Variants in FAM83D observed in about 807,000 individuals in gnomAD.
The protein encoded by FAM83D is scaffolding CK1 anchoring protein D.
A neutral mutation model predicts 25.4 loss-of-function variants in FAM83D; 26 were observed. The observed-to-expected ratio is 1.02, with a 90% CI of 0.75 to 1.42. FAM83D has a LOEUF of 1.42. Among genes scored for constraint, FAM83D ranks in the 40% most tolerant of loss-of-function variants. The pLI, the probability that FAM83D is intolerant of heterozygous loss-of-function variation, is 0.00. For missense variants in FAM83D, 740 were observed against 758.1 expected, an observed-to-expected ratio of 0.98 and a Z score of 0.28; for synonymous variants, 310 against 318.5, an observed-to-expected ratio of 0.97 and a Z score of 0.28.
intron 1 of FAM83D, among the ~76,000 whole-genome samples, chr20:38,939,926 G>A (rs1435087419): frequency 6.6e-6 from 1 of 152,128 alleles, no homozygotes; most frequent in Non-Finnish European, 1.5e-5. Flanking sequence ...GTCTTCCTGA[G>A]GAGGAAACTG....
chr20:38,933,134 G>T (rs537821640), intron 1 of FAM83D, among the ~76,000 whole-genome samples: 1 of 152,276 alleles, frequency 6.6e-6, no homozygotes, highest in African/African-American at 2.4e-5. Flanking sequence ...TGACCTTTTG[G>T]GTTGGATAAT....
chr20:38,935,735 C>A (rs1255491362), intron 1 of FAM83D, among the ~76,000 whole-genome samples: 1 of 152,186 alleles, frequency 6.6e-6, no homozygotes, highest in South Asian at 2.1e-4. Context: ...TGTGAGCCAC[C>A]GTGCCGGGCC....
Position 38,941,995 on chromosome 20 carries a change from G to T in FAM83D, c.520G>T (p.Asp174Tyr). 2.5e-6 allele frequency: 4 copies of T among 1,614,154 alleles called. No homozygotes were observed. Among genetic ancestry groups the T allele is most frequent in the Non-Finnish European group, 3.4e-6 (4 of 1,180,032 alleles). The change falls in exon 2 of 4, where the codon GAC (aspartate) becomes TAC (tyrosine). Residue 174 changes from aspartate (D) to tyrosine (Y), a missense_variant. This residue lies in a region of FAM83D where 333 missense variants were observed against 298.6 expected (regional missense o/e 1.12). Coordinates refer to ENST00000619850, the MANE Select transcript of FAM83D (RefSeq NM_030919.3). The stretch of plus-strand genomic sequence containing the variant: ...GGTCATGGACGTGTTCACAGACATC[G>T]ACATCTTCAGAGACCTGCAAGAAAT... ...AVVMDVFTDI[D>Y]IFRDLQEICR...
chr20:38,943,572 T>G (rs2085712505), intron 2 of FAM83D, among the ~76,000 whole-genome samples: 1 of 152,258 alleles, frequency 6.6e-6, no homozygotes, highest in Non-Finnish European at 1.5e-5. Flanking sequence ...TCTATTTCTC[T>G]GATTCTGAAA....
At position 38,947,950 on chromosome 20, in the gene FAM83D, C is replaced by G; in HGVS notation, c.726C>G (p.His242Gln). ...GAACTAAGATTATTGGGAAGGTTCA[C>G]GAAAAGTTCACGTTGATTGATGGCA... ...RSGTKIIGKV[H>Q]EKFTLIDGIR... is the part of the protein sequence containing the mutation. Residue 242 changes from histidine (H) to glutamine (Q), a missense_variant, in exon 3 of 4, where the codon CAC (histidine) becomes CAG (glutamine). This residue lies in a region of FAM83D where 32 missense variants were observed against 56.2 expected (regional missense o/e 0.57). Coordinates refer to ENST00000619850, the MANE Select transcript of FAM83D (RefSeq NM_030919.3). The G allele has an allele frequency of 6.2e-7, 1 of 1,614,142 alleles. No homozygotes were observed. The highest frequency in any genetic ancestry group is 8.5e-7 in the Non-Finnish European group (1 of 1,180,020).
Position 38,926,940 on chromosome 20 carries a change from AGGGCCCTGGGTCGCAC to A in FAM83D, c.483+19_483+34del. On this transcript the variant is annotated intron_variant, in intron 1 of 3. Transcript: ENST00000619850. The stretch of plus-strand genomic sequence containing the variant: ...CGGCGCGAGAGGTGAGCGGCCCTCC[AGGGCCCTGGGTCGCAC>A]GGGAGACCCCCTTCAAGAATGGGAA... 1 of 1,437,634 alleles carries A rather than the reference AGGGCCCTGGGTCGCAC, an allele frequency of 7.0e-7. No individual in the cohort carries two copies. Among genetic ancestry groups the A allele is most frequent in the South Asian group, 1.4e-5 (1 of 69,054 alleles). The allele number at this position is 1,437,634 out of a possible 1,614,324, so 89.1% of individuals were successfully genotyped here.
chr20:38,951,795 GA>G lies in FAM83D; in HGVS notation c.1034del (p.Asp345AlafsTer58), dbSNP rs753625998. 2.4e-5 allele frequency: 39 copies of G among 1,614,094 alleles called. No individual in the cohort carries two copies. The highest frequency in any genetic ancestry group is 3.1e-5 in the Non-Finnish European group (36 of 1,180,050). On this transcript the variant is annotated frameshift_variant, in exon 4 of 4. Transcript: ENST00000619850. LOFTEE classifies it low-confidence loss of function (END_TRUNC). ...GCTGTCAAGTACTCCCAGGAAGGCG[GA>G]CCTGGACCCAGAGATGCCCGCAGAG... ...ARLSSTPRKA[D>X]LDPEMPAEGK... is the part of the protein sequence containing the mutation.
chr20:38,931,018 C>T (rs1404426139), intron 1 of FAM83D, among the ~76,000 whole-genome samples: 2 of 152,208 alleles, frequency 1.3e-5, no homozygotes, highest in African/African-American at 4.8e-5. Context: ...GATTCACCTG[C>T]CTTGGCCTCC....
chr20:38,950,002 T>C (rs1035283867), intron 3 of FAM83D, among the ~76,000 whole-genome samples: 4 of 152,172 alleles, frequency 2.6e-5, no homozygotes, highest in African/African-American at 9.7e-5. Flanking sequence ...TTTGTATTTT[T>C]AGTAGAGATG....
At chr20:38,928,542 G>C (rs16987679) in intron 1 of FAM83D, among the ~76,000 whole-genome samples, 55,727 of 152,126 alleles carry the variant, frequency 0.37, 10,704 homozygotes, top group Middle Eastern at 0.52. Context: ...CAAAGCTCAT[G>C]TCCAGTAGAA....
chr20:38,949,530 C>A (rs2085743795), intron 3 of FAM83D, among the ~76,000 whole-genome samples: 2 of 152,160 alleles, frequency 1.3e-5, no homozygotes, highest in Non-Finnish European at 2.9e-5. Context: ...GGGGACTTTG[C>A]ATTAGCCATA....
At chr20:38,949,772 GT>G (rs1393724954) in intron 3 of FAM83D, among the ~76,000 whole-genome samples, 2 of 152,174 alleles carry the variant, frequency 1.3e-5, no homozygotes, top group African/African-American at 4.8e-5. Context: ...ATGTTTTCGA[GT>G]TGACTTTTGT....
chr20:38,926,818 C>T lies in FAM83D; in HGVS notation c.376C>T (p.Arg126Cys), dbSNP rs2085637709. ...GWPAFYQGAY[R>C]GATRVETHFQ... ...GCCCGCCTTCTACCAGGGCGCCTACCGCGGCGCCACGCGTGTCGAGACGCA... is the reference window on the plus strand; with the variant it reads ...GCCCGCCTTCTACCAGGGCGCCTACTGCGGCGCCACGCGTGTCGAGACGCA... Residue 126 changes from arginine (R) to cysteine (C), a missense_variant, in exon 1 of 4, where the codon CGC (arginine) becomes TGC (cysteine). Physicochemically the swap from Arg to Cys is radical, Grantham distance 180. Around this residue, in one of 3 missense-constraint regions of FAM83D, gnomAD observed 333 missense variants for 298.6 expected, o/e 1.12. Transcript: ENST00000619850. 1 of 1,536,614 alleles carries T rather than the reference C, an allele frequency of 6.5e-7. No homozygotes were observed.
chr20:38,929,068 T>A (rs2085648299), intron 1 of FAM83D, among the ~76,000 whole-genome samples: 2 of 151,830 alleles, frequency 1.3e-5, no homozygotes, highest in South Asian at 4.2e-4. Flanking sequence ...TCCCAGCTAC[T>A]TGGGAGGCTG....
At chr20:38,927,371 C>G (rs1480483444) in intron 1 of FAM83D, among the ~76,000 whole-genome samples, 1 of 152,152 alleles carries the variant, frequency 6.6e-6, no homozygotes, top group Non-Finnish European at 1.5e-5. Context: ...AAGATGGTCT[C>G]CAGAGACAAC....
At position 38,926,681 on chromosome 20, in the gene FAM83D, C is replaced by G; in HGVS notation, c.239C>G (p.Ala80Gly). The change falls in exon 1 of 4, where the codon GCG becomes GGG. Residue 80 changes from alanine (A) to glycine (G), a missense_variant. Transcript: ENST00000619850. ...RAAERPGEEG[A>G]AAAAAAEDSF... ...GCGGAGAGGCCGGGAGAGGAGGGCG[C>G]GGCGGCGGCGGCGGCGGCCGAGGAC... The G allele has an allele frequency of 7.1e-7, 1 of 1,407,790 alleles. No homozygotes were observed. The highest frequency in any genetic ancestry group is 9.4e-7 in the Non-Finnish European group (1 of 1,064,232). 87.2% of individuals were successfully genotyped at this position (1,407,790 alleles called of 1,614,324 possible).
chr20:38,946,347 A>G (rs1210164638), intron 2 of FAM83D, among the ~76,000 whole-genome samples: 2 of 151,974 alleles, frequency 1.3e-5, no homozygotes, highest in Non-Finnish European at 2.9e-5. Context: ...TTTTTAGCTT[A>G]TTTTGAATAT....
intron 1 of FAM83D, among the ~76,000 whole-genome samples, chr20:38,939,049 C>G (rs2085690455): frequency 6.6e-6 from 1 of 152,232 alleles, no homozygotes; most frequent in Non-Finnish European, 1.5e-5. Context: ...TGATCTTGCT[C>G]ATTCATCCGT....
chr20:38,943,624 G>T (rs1224474577), intron 2 of FAM83D, among the ~76,000 whole-genome samples: 3 of 152,132 alleles, frequency 2.0e-5, no homozygotes, highest in Non-Finnish European at 4.4e-5. Context: ...AACATAGCTA[G>T]CTTGGTCACT....
Sources: allele counts gnomAD v4.1 joint callset (sites outside exome capture counted in the v4.1 genomes callset), GRCh38; gene constraint gnomAD v4.1.1; regional missense constraint gnomAD v4.1.1; transcripts MANE v1.5; gene names NCBI Gene and HGNC (gene_info 2026-07-23, HGNC 2026-07-21).